Variants in SGCZ observed in about 807,000 individuals in gnomAD.
SGCZ encodes the protein zeta-sarcoglycan.
Under a neutral mutation model 41.3 loss-of-function variants are expected in SGCZ, and 40 were observed. That is an observed-to-expected ratio of 0.97 (90% CI 0.75 to 1.26). The LOEUF (loss-of-function observed/expected upper bound fraction) is 1.26. Among genes scored for constraint, SGCZ ranks in the 50% most tolerant of loss-of-function variants. The pLI is 0.00. For synonymous variants in SGCZ, 206 were observed against 137.5 expected (o/e 1.50, Z -3.49); for missense variants, 552 against 369.8 (o/e 1.49, Z -4.04).
Position 14,436,686 on chromosome 8 carries a change from G to T in SGCZ, c.235-112482C>A, listed in dbSNP as rs78160827. ...TTCTCTTTAGACTGTCATTCGCACTGCAGTAACAGTTACTAATTTCATTAA... is the reference window on the plus strand; with the variant it reads ...TTCTCTTTAGACTGTCATTCGCACTTCAGTAACAGTTACTAATTTCATTAA... On this transcript the variant is annotated intron_variant, in intron 2 of 7. Coordinates refer to ENST00000382080, the MANE Select transcript of SGCZ (RefSeq NM_139167.4). 9.8e-5 allele frequency among the ~76,000 whole-genome samples: 15 copies of T among 152,300 alleles called. No individual in the cohort carries two copies. The East Asian group carries it at 2.5e-3, about 25-fold the overall frequency.
At chr8:14,582,061 T>G (rs1804908672) in intron 1 of SGCZ, among the ~76,000 whole-genome samples, 1 of 152,168 alleles carries the variant, frequency 6.6e-6, no homozygotes, top group African/African-American at 2.4e-5. Context: ...ATGATGAGCA[T>G]GAAGAACTTT....
intron 1 of SGCZ, among the ~76,000 whole-genome samples, chr8:14,919,385 G>A (rs1288171431): frequency 6.6e-6 from 1 of 152,068 alleles, no homozygotes; most frequent in Non-Finnish European, 1.5e-5. Context: ...AGGTTACAGT[G>A]AGCCGAGATC....
At chr8:14,317,680 G>T (rs2117015735) in intron 3 of SGCZ, among the ~76,000 whole-genome samples, 1 of 152,016 alleles carries the variant, frequency 6.6e-6, no homozygotes, top group Admixed American at 6.6e-5. Context: ...GGTTTAGAAA[G>T]AAATGAGAGA....
rs554747723 is a variant in SGCZ at position 14,085,433 on chromosome 8, A to G, written c.*5010T>C. 7.2e-5 allele frequency among the ~76,000 whole-genome samples: 11 copies of G among 151,912 alleles called. No individual in the cohort carries two copies. The highest frequency in any genetic ancestry group is 6.6e-4 in the Admixed American group (10 of 15,208). ...CTTTAACCCTGTTTGGTTTTTATTT[A>G]TAAATACGCAAACAAATGAGATACT... On this transcript the variant is annotated 3_prime_UTR_variant, in exon 8 of 8. Coordinates refer to ENST00000382080, the MANE Select transcript of SGCZ (RefSeq NM_139167.4).
At chr8:14,738,829 G>A (rs73199219) in intron 1 of SGCZ, among the ~76,000 whole-genome samples, 9,224 of 152,050 alleles carry the variant, frequency 0.061, 377 homozygotes, top group Non-Finnish European at 0.09. Flanking sequence ...GAGGGAGAAC[G>A]GGCCGCAGGA....
intron 5 of SGCZ, among the ~76,000 whole-genome samples, chr8:14,117,510 A>G (rs1241201374): frequency 6.6e-6 from 1 of 151,640 alleles, no homozygotes; most frequent in African/African-American, 2.4e-5. Context: ...GTGTACTGAC[A>G]CATTTACAAA....
At chr8:14,157,482 C>G (rs1445064665) in intron 5 of SGCZ, among the ~76,000 whole-genome samples, 1 of 150,272 alleles carries the variant, frequency 6.7e-6, no homozygotes, top group African/African-American at 2.4e-5. Context: ...CTCTCTAACA[C>G]AGGAGACTTA....
intron 1 of SGCZ, among the ~76,000 whole-genome samples, chr8:15,097,841 T>TATATATATATATACAC (rs1806420642): frequency 3.7e-4 from 2 of 5,476 alleles, no homozygotes; most frequent in African/African-American, 6.2e-4. Flanking sequence ...TATACGTGTG[T>TATATATATATATACAC]GTATATATAT....
intron 2 of SGCZ, among the ~76,000 whole-genome samples, chr8:14,331,377 G>A (rs1378969433): frequency 6.6e-6 from 1 of 152,010 alleles, no homozygotes; most frequent in African/African-American, 2.4e-5. Context: ...GGTTTATGCT[G>A]TGTTTTTTAA....
At chr8:15,071,836 G>T (rs1028207126) in intron 1 of SGCZ, among the ~76,000 whole-genome samples, 1 of 152,130 alleles carries the variant, frequency 6.6e-6, no homozygotes, top group Non-Finnish European at 1.5e-5. Flanking sequence ...TATAAAGAAG[G>T]AGAAGTGACT....
chr8:14,694,177 G>A (rs551566451), intron 1 of SGCZ, among the ~76,000 whole-genome samples: 1 of 152,142 alleles, frequency 6.6e-6, no homozygotes, highest in Admixed American at 6.5e-5. Context: ...GCACTCTCAG[G>A]GCAAAGGCAA....
intron 1 of SGCZ, among the ~76,000 whole-genome samples, chr8:14,641,469 T>A (rs72607318): frequency 0.19 from 29,131 of 151,610 alleles, 3,320 homozygotes; most frequent in East Asian, 0.6. Flanking sequence ...CAAAAACAAT[T>A]CTAGGACGCT....
At chr8:14,468,012 G>T (rs1033844663) in intron 2 of SGCZ, among the ~76,000 whole-genome samples, 9 of 151,954 alleles carry the variant, frequency 5.9e-5, no homozygotes, top group Admixed American at 2.6e-4. Flanking sequence ...GGTCAAATTA[G>T]TTCCTAAGTG....
At chr8:14,479,870 C>G (rs890813648) in intron 2 of SGCZ, among the ~76,000 whole-genome samples, 4 of 151,796 alleles carry the variant, frequency 2.6e-5, no homozygotes, top group Non-Finnish European at 5.9e-5. Flanking sequence ...CTCAGGCTCC[C>G]AAGTAGCTGG....
intron 2 of SGCZ, among the ~76,000 whole-genome samples, chr8:14,457,037 G>C (rs567360183): frequency 6.6e-6 from 1 of 152,170 alleles, no homozygotes; most frequent in South Asian, 2.1e-4. Context: ...AGGCACCGAG[G>C]CAAGAGACAG....
At chr8:14,944,606 A>T (rs1484867106) in intron 1 of SGCZ, among the ~76,000 whole-genome samples, 1 of 152,218 alleles carries the variant, frequency 6.6e-6, no homozygotes, top group Non-Finnish European at 1.5e-5. Context: ...AATAGATTAT[A>T]TGGGTCAGCA....
chr8:14,842,862 C>G (rs1377582501), intron 1 of SGCZ, among the ~76,000 whole-genome samples: 3 of 152,166 alleles, frequency 2.0e-5, no homozygotes, highest in South Asian at 2.1e-4. Flanking sequence ...CCAGGGGAGA[C>G]TGAAATTTGT....
At chr8:15,141,918 A>T (rs1252113982) in intron 1 of SGCZ, among the ~76,000 whole-genome samples, 1 of 152,018 alleles carries the variant, frequency 6.6e-6, no homozygotes, top group Admixed American at 6.6e-5. Flanking sequence ...AACAAAAAAA[A>T]TGAGAACCTC....
At chr8:14,701,216 A>C (rs1809126856) in intron 1 of SGCZ, among the ~76,000 whole-genome samples, 1 of 152,016 alleles carries the variant, frequency 6.6e-6, no homozygotes, top group South Asian at 2.1e-4. Flanking sequence ...AGGTAGTTGC[A>C]GCATGGGATT....
Sources: allele counts gnomAD v4.1 joint callset (sites outside exome capture counted in the v4.1 genomes callset), GRCh38; gene constraint gnomAD v4.1.1; transcripts MANE v1.5; gene names NCBI Gene and HGNC (gene_info 2026-07-23, HGNC 2026-07-21).